Variants in SH3PXD2A observed in about 807,000 individuals in gnomAD.
The protein encoded by SH3PXD2A is SH3 and PX domain-containing protein 2A.
Under a neutral mutation model 115.2 loss-of-function variants are expected in SH3PXD2A, and 32 were observed. That is an observed-to-expected ratio of 0.28 (90% confidence interval 0.21 to 0.37). SH3PXD2A has a LOEUF of 0.37. SH3PXD2A is among the 10% of genes least tolerant of loss of function. The pLI is 1.00. For missense variants in SH3PXD2A, 1,328 were observed against 1,498.7 expected, an observed-to-expected ratio of 0.89 and a Z score of 1.88; for synonymous variants, 610 against 629.1, an observed-to-expected ratio of 0.97 and a Z score of 0.45.
At chr10:103,718,603 A>G (rs2038136835) in intron 5 of SH3PXD2A, among the ~76,000 whole-genome samples, 1 of 152,220 alleles carries the variant, frequency 6.6e-6, no homozygotes. Flanking sequence ...TCGCTTCCCC[A>G]TCTGCTAAAT....
Position 103,622,514 on chromosome 10 carries a change from C to T in SH3PXD2A, c.758G>A (p.Arg253His), listed in dbSNP as rs1472972520. 15 of 1,550,228 alleles carry T rather than the reference C, an allele frequency of 9.7e-6. No homozygotes were observed. The highest frequency in any genetic ancestry group is 3.9e-5 in the Admixed American group (2 of 50,980). The change falls in exon 10 of 15, where the codon CGC becomes CAC. Residue 253 changes from arginine (R) to histidine (H), a missense_variant. This residue lies in a region of SH3PXD2A where 509 missense variants were observed against 628.3 expected (regional missense o/e 0.81). Transcript: ENST00000369774. ...RRKAHLRRLD[R>H]RWTLGGMVNR... ...GACCATCCCGCCCAGGGTCCACCGG[C>T]GATCCAGGCGCCGCAGATGGGCCTT... is the stretch of plus-strand genomic sequence containing the variant.
chr10:103,775,850 C>T (rs1198506607), intron 2 of SH3PXD2A, among the ~76,000 whole-genome samples: 1 of 152,116 alleles, frequency 6.6e-6, no homozygotes, highest in African/African-American at 2.4e-5. Flanking sequence ...TTTCAGAACC[C>T]AGCTCAAGGA....
In SH3PXD2A at chr10:103,841,994, G is replaced by A. The variant is rs180875384; in HGVS notation, c.72+13201C>T. On this transcript the variant is annotated intron_variant, in intron 1 of 14. Coordinates refer to ENST00000369774, the MANE Select transcript of SH3PXD2A (RefSeq NM_001394015.1). ...AAAAAAATTAGCTGGGTGTGGTGGCGGGTGCCTGTAGTCCCAGCTACTCGG... is the reference window on the plus strand; with the variant it reads ...AAAAAAATTAGCTGGGTGTGGTGGCAGGTGCCTGTAGTCCCAGCTACTCGG... Among the ~76,000 whole-genome samples the A allele has an allele frequency of 1.5e-3, 223 of 152,064 alleles. No homozygotes were observed. The Middle Eastern group carries it at 0.017, about 12-fold the overall frequency.
chr10:103,743,604 T>G (rs2038467968), intron 3 of SH3PXD2A, among the ~76,000 whole-genome samples: 1 of 152,122 alleles, frequency 6.6e-6, no homozygotes, highest in Admixed American at 6.5e-5. Flanking sequence ...CTCCTGGTCT[T>G]AAGTGATCTT....
At chr10:103,720,786 C>G (rs762734460) in intron 5 of SH3PXD2A, among the ~76,000 whole-genome samples, 2 of 152,180 alleles carry the variant, frequency 1.3e-5, no homozygotes, top group African/African-American at 2.4e-5. Context: ...CGTCGGCAGC[C>G]TGTCAGCCGA....
At chr10:103,850,405 G>A (rs1842886343) in intron 1 of SH3PXD2A, among the ~76,000 whole-genome samples, 1 of 152,122 alleles carries the variant, frequency 6.6e-6, no homozygotes, top group African/African-American at 2.4e-5. Context: ...TGTCAGACCC[G>A]TGAATCACCC....
At chr10:103,611,436 T>C in intron 13 of SH3PXD2A, 145 bp downstream of exon 13, 1 of 761,698 alleles carries the variant, frequency 1.3e-6, no homozygotes, top group Admixed American at 2.0e-5. Context: ...TCCCTGCCCC[T>C]AGCCCCACAA....
intron 6 of SH3PXD2A, among the ~76,000 whole-genome samples, chr10:103,674,843 C>CA (rs1564860679): frequency 6.6e-6 from 1 of 151,846 alleles, no homozygotes; most frequent in African/African-American, 2.4e-5. Context: ...AACAAACAAA[C>CA]AAACAAAACA....
At chr10:103,710,514 C>G (rs1410022592) in intron 5 of SH3PXD2A, among the ~76,000 whole-genome samples, 1 of 152,134 alleles carries the variant, frequency 6.6e-6, no homozygotes, top group African/African-American at 2.4e-5. Context: ...CTATTTTACT[C>G]CTGGGGGAAC....
chr10:103,800,781 T>C (rs1270023226), intron 2 of SH3PXD2A, among the ~76,000 whole-genome samples: 1 of 152,226 alleles, frequency 6.6e-6, no homozygotes, highest in Non-Finnish European at 1.5e-5. Flanking sequence ...ACCACGTACA[T>C]GTACAAACTG....
chr10:103,599,564 C>CTCT lies in SH3PXD2A; in HGVS notation c.*2249_*2251dup, dbSNP rs1168653469. On this transcript the variant is annotated 3_prime_UTR_variant, in exon 15 of 15. Coordinates refer to ENST00000369774, the MANE Select transcript of SH3PXD2A (RefSeq NM_001394015.1). ...TAAATAGTCATAAATTACTTTTTTT[C>CTCT]TCTTAATAAATATGTGCTGTTTAAA... The CTCT allele has an allele frequency of 1.3e-5, 2 of 152,464 alleles. No homozygotes were observed. Among genetic ancestry groups the CTCT allele is most frequent in the East Asian group, 3.8e-4 (2 of 5,204 alleles). 9.4% of individuals were successfully genotyped at this position (152,464 alleles called of 1,614,324 possible).
intron 1 of SH3PXD2A, among the ~76,000 whole-genome samples, chr10:103,833,788 C>T (rs1329825284): frequency 1.3e-5 from 2 of 152,134 alleles, no homozygotes; most frequent in African/African-American, 4.8e-5. Context: ...TGGCCACTTC[C>T]CTATTAGCTG....
chr10:103,638,901 CGTG>C (rs1195464372), intron 8 of SH3PXD2A, among the ~76,000 whole-genome samples: 4 of 152,182 alleles, frequency 2.6e-5, no homozygotes, highest in African/African-American at 9.7e-5. Context: ...GAGAGACCCT[CGTG>C]GTGTCAGTGT....
chr10:103,658,280 C>A (rs1264767666), intron 8 of SH3PXD2A, among the ~76,000 whole-genome samples: 1 of 152,238 alleles, frequency 6.6e-6, no homozygotes, highest in Non-Finnish European at 1.5e-5. Flanking sequence ...AGGCAGAGTC[C>A]TGGCACCCTG....
intron 2 of SH3PXD2A, among the ~76,000 whole-genome samples, chr10:103,799,760 C>CCATT (rs2039129556): frequency 6.6e-6 from 1 of 152,202 alleles, no homozygotes. Flanking sequence ...CACACTGCAC[C>CCATT]CATTGATGGG....
chr10:103,843,225 A>G (rs1035694433), intron 1 of SH3PXD2A, among the ~76,000 whole-genome samples: 1 of 152,216 alleles, frequency 6.6e-6, no homozygotes, highest in Non-Finnish European at 1.5e-5. Context: ...GCTGTGATTC[A>G]TAGCCAGCTT....
intron 1 of SH3PXD2A, among the ~76,000 whole-genome samples, chr10:103,843,565 C>A (rs1355469988): frequency 1.3e-5 from 2 of 152,184 alleles, no homozygotes; most frequent in South Asian, 4.1e-4. Flanking sequence ...CAGACCTTGG[C>A]ACAGATCTGT....
chr10:103,689,775 G>C (rs1005901122), intron 6 of SH3PXD2A, among the ~76,000 whole-genome samples: 4 of 152,176 alleles, frequency 2.6e-5, no homozygotes, highest in African/African-American at 9.7e-5. Context: ...AGGTTCAATA[G>C]AGGGAAGAAA....
intron 1 of SH3PXD2A, among the ~76,000 whole-genome samples, chr10:103,817,499 C>T (rs1033577388): frequency 6.6e-6 from 1 of 152,194 alleles, no homozygotes; most frequent in Non-Finnish European, 1.5e-5. Context: ...CACCACCACA[C>T]CTGGCTAATT....
Sources: gnomAD v4.1 joint callset for allele counts (sites outside exome capture counted in the v4.1 genomes callset) on GRCh38, gnomAD v4.1.1 for gene constraint, gnomAD v4.1.1 regional missense constraint, MANE v1.5 for transcripts, NCBI Gene and HGNC (gene_info 2026-07-23, HGNC 2026-07-21) for gene names.